WBP2NL: variants seen among roughly 807,000 people sequenced by gnomAD.
WBP2NL encodes the protein WBP2 N-terminal like, also known as postacrosomal sheath WW domain-binding protein.
Under a neutral mutation model 23.3 loss-of-function variants are expected in WBP2NL, and 27 were observed. The observed-to-expected ratio is 1.16, with a 90% CI of 0.85 to 1.60. The LOEUF is 1.60. Among genes scored for constraint, WBP2NL ranks in the 40% most tolerant of loss-of-function variants. The pLI is 0.00. For synonymous variants in WBP2NL, 151 were observed against 145.9 expected (o/e 1.03, Z -0.25); for missense variants, 370 against 389.5 (o/e 0.95, Z 0.42).
downstream of WBP2NL, chr22:42,032,859 C>A: frequency 3.9e-5 from 10 of 255,826 alleles, no homozygotes; most frequent in East Asian, 1.5e-4. Context: ...GATTTAGTAG[C>A]CAATATAAGA....
At chr22:42,003,453 A>T (rs1263815193) in intron 1 of WBP2NL, 1 of 152,286 alleles carries the variant, frequency 6.6e-6, no homozygotes, top group East Asian at 1.9e-4. Context: ...GATTAAAAGG[A>T]TTAATCGAAA....
At chr22:42,013,387 A>C (rs1424577373) in intron 1 of WBP2NL, among the ~76,000 whole-genome samples, 2 of 142,270 alleles carry the variant, frequency 1.4e-5, no homozygotes, top group Non-Finnish European at 3.1e-5. Flanking sequence ...ACTCCATCTC[A>C]AAAAAAAAAA....
chr22:42,015,710 A>G (rs1159456606), intron 1 of WBP2NL, among the ~76,000 whole-genome samples: 1 of 152,048 alleles, frequency 6.6e-6, no homozygotes, highest in Non-Finnish European at 1.5e-5. Flanking sequence ...GCCTTTTTGC[A>G]TCACTTCTAA....
intron 1 of WBP2NL, among the ~76,000 whole-genome samples, chr22:42,007,688 G>A (rs928930592): frequency 7.2e-5 from 11 of 152,096 alleles, no homozygotes; most frequent in East Asian, 3.8e-4. Context: ...TTAACTTAGC[G>A]TAACATCCTC....
chr22:42,049,461 T>G lies in WBP2NL; in HGVS notation c.*274-8829T>G, dbSNP rs928670961. 5.3e-5 allele frequency among the ~76,000 whole-genome samples: 8 copies of G among 152,002 alleles called. 1 individual carries two copies. The South Asian group carries it at 8.3e-4, about 16-fold the overall frequency. On this transcript the variant is annotated intron_variant and NMD_transcript_variant, in intron 8 of 8. Transcript: ENST00000436265. Reference sequence around the variant, plus strand: ...ATCCTAGCACTTTGGGAGGCCAAGGTGGGTGGATCACGAGGTCAGGAGATT... The same window carrying G: ...ATCCTAGCACTTTGGGAGGCCAAGGGGGGTGGATCACGAGGTCAGGAGATT...
At chr22:42,007,471 A>G (rs1922358238) in intron 1 of WBP2NL, among the ~76,000 whole-genome samples, 1 of 152,220 alleles carries the variant, frequency 6.6e-6, no homozygotes, top group Admixed American at 6.5e-5. Flanking sequence ...CTACAGAATT[A>G]TATCAATTTA....
Position 42,026,823 on chromosome 22 carries a change from C to G in WBP2NL, c.572C>G (p.Ala191Gly), listed in dbSNP as rs754146594. Residue 191 changes from alanine (A) to glycine (G), a missense_variant, in exon 6 of 6, where the codon GCC (alanine) becomes GGC (glycine). By Grantham distance (60) the Ala-to-Gly change is moderately conservative (BLOSUM62 0). Coordinates refer to ENST00000328823, the MANE Select transcript of WBP2NL (RefSeq NM_152613.3). ...GGAGCCCCACCTCCCGGATACGGAG[C>G]CCCACCTGCAGGATATGGAGCCCAA... Reference protein sequence around the residue: ...GYGAPPPGYGAPPAGYGAQPV... With the variant: ...GYGAPPPGYGGPPAGYGAQPV... The G allele has an allele frequency of 1.2e-6, 2 of 1,613,948 alleles. No homozygotes were observed. Among genetic ancestry groups the G allele is most frequent in the Non-Finnish European group, 8.5e-7 (1 of 1,179,926 alleles).
chr22:42,044,948 G>T lies in WBP2NL; in HGVS notation c.*274-13342G>T, dbSNP rs559609343. Among the ~76,000 whole-genome samples the T allele has an allele frequency of 9.8e-4, 149 of 151,934 alleles. 2 individuals carry two copies. In the South Asian group the frequency reaches 0.02, roughly 20 times the overall value. On this transcript the variant is annotated intron_variant and NMD_transcript_variant, in intron 8 of 8. Transcript: ENST00000436265. ...CCTGCCTCAGCCTCCTGAATAGCTGGGACTACAGGCACATGCCACACCTGG... is the reference window on the plus strand; with the variant it reads ...CCTGCCTCAGCCTCCTGAATAGCTGTGACTACAGGCACATGCCACACCTGG...
At chr22:41,998,931 A>C in intron 1 of WBP2NL, 51 bp downstream of exon 1, 1 of 1,560,868 alleles carries the variant, frequency 6.4e-7, no homozygotes, top group Non-Finnish European at 8.7e-7. Flanking sequence ...GACGAATGAG[A>C]TAGACATGGC....
intron 1 of WBP2NL, among the ~76,000 whole-genome samples, chr22:42,009,452 G>GT (rs1276852805): frequency 6.6e-6 from 1 of 152,030 alleles, no homozygotes; most frequent in East Asian, 1.9e-4. Context: ...TGGGTCTTAT[G>GT]TTTAAGTCTT....
chr22:42,010,957 A>C lies in WBP2NL; in HGVS notation c.63-8354A>C, dbSNP rs577242415. Among the ~76,000 whole-genome samples the C allele has an allele frequency of 2.0e-5, 3 of 152,334 alleles. No homozygotes were observed. In the South Asian group the frequency reaches 6.2e-4, roughly 32 times the overall value. On this transcript the variant is annotated intron_variant, in intron 1 of 5. Transcript: ENST00000328823. Reference sequence around the variant, plus strand: ...TTGATTCATTTTCCTATGCTGAACCATCCTTGCATTCTAGGAGTAAACCCC... The same window carrying C: ...TTGATTCATTTTCCTATGCTGAACCCTCCTTGCATTCTAGGAGTAAACCCC...
At chr22:42,021,683 T>A (rs133340) in intron 4 of WBP2NL, among the ~76,000 whole-genome samples, 60,012 of 152,038 alleles carry the variant, frequency 0.39, 13,839 homozygotes, top group East Asian at 0.85. Flanking sequence ...TCTGTTATGA[T>A]TAGGTGCTAT....
At chr22:42,022,209 A>T in intron 4 of WBP2NL, 40 bp from the exon 5 acceptor site, 1 of 1,513,208 alleles carries the variant, frequency 6.6e-7, no homozygotes, top group African/African-American at 1.4e-5. Context: ...TATCTGACTT[A>T]ATTAAAAGAG....
At chr22:42,009,143 T>C (rs997192208) in intron 1 of WBP2NL, among the ~76,000 whole-genome samples, 3 of 152,240 alleles carry the variant, frequency 2.0e-5, no homozygotes, top group Non-Finnish European at 4.4e-5. Flanking sequence ...CTTGAACTAC[T>C]GACCTCAGTT....
chr22:42,001,405 A>G (rs1468018422), intron 1 of WBP2NL: 1 of 728,412 alleles, frequency 1.4e-6, no homozygotes, highest in East Asian at 2.5e-5. Flanking sequence ...GGCAGCAGGC[A>G]GCTCGGTAGA....
chr22:42,026,140 C>T (rs908768096), intron 5 of WBP2NL, among the ~76,000 whole-genome samples: 7 of 151,604 alleles, frequency 4.6e-5, no homozygotes, highest in East Asian at 3.9e-4. Context: ...GGCATGGTGG[C>T]GGGTGCTTGT....
intron 5 of WBP2NL, among the ~76,000 whole-genome samples, chr22:42,025,595 G>T (rs918449385): frequency 6.6e-6 from 1 of 152,170 alleles, no homozygotes; most frequent in Non-Finnish European, 1.5e-5. Flanking sequence ...CCATTGAATG[G>T]TCTTGGCATT....
intron 8 of WBP2NL, among the ~76,000 whole-genome samples, chr22:42,043,016 G>GAA (rs59812729): frequency 9.4e-4 from 52 of 55,366 alleles, no homozygotes; most frequent in South Asian, 1.5e-3. Flanking sequence ...AGTGAGCCAA[G>GAA]AAAAAAAAAA....
At position 42,020,019 on chromosome 22, in the gene WBP2NL, A is replaced by G; in HGVS notation, c.329A>G (p.Gln110Arg). The stretch of plus-strand genomic sequence containing the variant: ...CTTCCCCCAGGTGGCTGGGAAGGAC[A>G]AGCTACTTTTAAATTAGTCTTCAGA... ...QAAPYGGWEG[Q>R]ATFKLVFRNG... Residue 110 changes from glutamine to arginine, a missense_variant, in exon 4 of 6, where the codon CAA (glutamine) becomes CGA (arginine). Gln to Arg is a conservative substitution (Grantham distance 43, BLOSUM62 1). Coordinates refer to ENST00000328823, the MANE Select transcript of WBP2NL (RefSeq NM_152613.3). The G allele has an allele frequency of 6.2e-7, 1 of 1,614,016 alleles. No homozygotes were observed. Among genetic ancestry groups the G allele is most frequent in the South Asian group, 1.1e-5 (1 of 90,994 alleles).
Sources: allele counts gnomAD v4.1 joint callset (sites outside exome capture counted in the v4.1 genomes callset), GRCh38; gene constraint gnomAD v4.1.1; transcripts MANE v1.5; gene names NCBI Gene and HGNC (gene_info 2026-07-23, HGNC 2026-07-21).